Variants in TBC1D15 observed in about 807,000 individuals in gnomAD.
The protein encoded by TBC1D15 is GAP for RAB7.
In TBC1D15, 39 loss-of-function variants were observed where a neutral mutation model predicts 95.4. The observed-to-expected ratio is 0.41, with a 90% CI of 0.32 to 0.53. The LOEUF (loss-of-function observed/expected upper bound fraction) is 0.53, where lower values mean the gene tolerates loss of function less well. Among genes scored for constraint, TBC1D15 ranks in the 20% least tolerant of loss-of-function variants. The probability of loss-of-function intolerance (pLI) is 0.29; values close to 1 mark genes in which losing one functional copy is unlikely to be tolerated. For synonymous variants in TBC1D15, 258 were observed against 261.3 expected (o/e 0.99, Z 0.12); for missense variants, 733 against 794.3 (o/e 0.92, Z 0.93).
intron 1 of TBC1D15, among the ~76,000 whole-genome samples, chr12:71,869,700 T>G (rs1025827349): frequency 1.3e-5 from 2 of 152,158 alleles, no homozygotes; most frequent in Admixed American, 1.3e-4. Context: ...TTAATAAAAT[T>G]GTATTGCAGA....
At chr12:71,861,959 G>A (rs530212633) in intron 1 of TBC1D15, among the ~76,000 whole-genome samples, 9 of 151,878 alleles carry the variant, frequency 5.9e-5, no homozygotes, top group African/African-American at 1.5e-4. Context: ...ATTCAGAAAC[G>A]TTTAATTTTC....
intron 12 of TBC1D15, among the ~76,000 whole-genome samples, 163 bp downstream of exon 12, chr12:71,914,089 A>G (rs1292645860): frequency 6.6e-6 from 1 of 151,990 alleles, no homozygotes; most frequent in Non-Finnish European, 1.5e-5. Context: ...TCAAGGGCTT[A>G]GAAATACTGG....
intron 10 of TBC1D15, among the ~76,000 whole-genome samples, chr12:71,903,107 G>C (rs1183642218): frequency 6.6e-6 from 1 of 152,032 alleles, no homozygotes; most frequent in Non-Finnish European, 1.5e-5. Flanking sequence ...GAAGAGACAG[G>C]ATTTTACCAT....
chr12:71,900,590 T>G (rs570611381), intron 10 of TBC1D15, among the ~76,000 whole-genome samples: 1 of 152,256 alleles, frequency 6.6e-6, no homozygotes, highest in East Asian at 1.9e-4. Context: ...AATAAGTTAT[T>G]ACTTAGTGCC....
intron 1 of TBC1D15, among the ~76,000 whole-genome samples, chr12:71,858,708 C>T (rs1255635031): frequency 6.6e-6 from 1 of 151,830 alleles, no homozygotes; most frequent in African/African-American, 2.4e-5. Flanking sequence ...GCATGTGCCA[C>T]CATGCCTGGC....
chr12:71,877,560 C>T (rs1487482749), intron 3 of TBC1D15, among the ~76,000 whole-genome samples: 1 of 96,558 alleles, frequency 1.0e-5, no homozygotes, highest in African/African-American at 5.2e-5. Flanking sequence ...TCCTTCCTTC[C>T]TTTCTTCTTT....
rs1446682770 is a variant in TBC1D15, at chr12:71,896,737, G to A, written c.1045G>A (p.Asp349Asn). Residue 349 changes from aspartate (D) to asparagine (N), a missense_variant, in exon 9 of 17, where the codon GAC (aspartate) becomes AAC (asparagine). Transcript: ENST00000485960. The part of the protein sequence containing the change: ...WKFLLGYFPW[D>N]STKEERTQLQ... The stretch of plus-strand genomic sequence containing the variant: ...ATTTCTTCTGGGTTATTTTCCCTGG[G>A]ACAGTACCAAGGAGGAAAGAACCCA... The A allele has an allele frequency of 6.2e-7, 1 of 1,612,978 alleles. No homozygotes were observed. The highest frequency in any genetic ancestry group is 2.2e-5 in the East Asian group (1 of 44,772).
intron 10 of TBC1D15, among the ~76,000 whole-genome samples, chr12:71,903,494 C>T (rs144299523): frequency 2.6e-5 from 4 of 152,208 alleles, no homozygotes; most frequent in East Asian, 1.9e-4. Context: ...AACTACCATT[C>T]GACCCAGCAA....
Position 71,884,939 on chromosome 12 carries a change from GTCGT to G in TBC1D15, c.475_478del (p.Val159SerfsTer14). The G allele has an allele frequency of 6.2e-7, 1 of 1,614,052 alleles. No homozygotes were observed. Among genetic ancestry groups the G allele is most frequent in the Non-Finnish European group, 8.5e-7 (1 of 1,179,928 alleles). On this transcript the variant is annotated frameshift_variant, in exon 5 of 17. Coordinates refer to ENST00000485960, the MANE Select transcript of TBC1D15 (RefSeq NM_001146213.3). LOFTEE classifies it high-confidence loss of function. ...TTTGGTATTCTGTCTAAAGGATGAC[GTCGT>G]TCTCCCTGCTCTACACTTTCATCAA... is the stretch of plus-strand genomic sequence containing the variant.
chr12:71,849,926 A>G (rs1887342018), intron 1 of TBC1D15: 1 of 555,844 alleles, frequency 1.8e-6, no homozygotes, highest in Non-Finnish European at 3.5e-6. Flanking sequence ...GTGGCTGGAA[A>G]AGGCTAAGTT....
chr12:71,869,887 A>G (rs980183916), intron 1 of TBC1D15, among the ~76,000 whole-genome samples: 1 of 152,162 alleles, frequency 6.6e-6, no homozygotes, highest in East Asian at 1.9e-4. Flanking sequence ...ATATATGACT[A>G]TATTTTCGCT....
intron 11 of TBC1D15, among the ~76,000 whole-genome samples, chr12:71,908,400 AAAT>A (rs1200017448): frequency 1.3e-5 from 2 of 151,592 alleles, no homozygotes; most frequent in Non-Finnish European, 2.9e-5. Context: ...AGGATAGTGG[AAAT>A]AATGTTTTCT....
At position 71,880,948 on chromosome 12, in the gene TBC1D15, G is replaced by A. The variant is rs988199743; in HGVS notation, c.343+341G>A. Reference sequence around the variant, plus strand: ...ATTTTATCCTAAAGTAACAGAGGGAGATGGAGTATACCACTAAATCATACC... The same window carrying A: ...ATTTTATCCTAAAGTAACAGAGGGAAATGGAGTATACCACTAAATCATACC... On this transcript the variant is annotated intron_variant, in intron 4 of 16. Transcript: ENST00000485960. Among the ~76,000 whole-genome samples, 14 of 152,286 alleles carry A rather than the reference G, an allele frequency of 9.2e-5. 1 individual carries two copies. In the Middle Eastern group the frequency reaches 0.01, roughly 111 times the overall value.
intron 1 of TBC1D15, among the ~76,000 whole-genome samples, chr12:71,863,323 A>G (rs1052219346): frequency 6.6e-6 from 1 of 152,172 alleles, no homozygotes; most frequent in African/African-American, 2.4e-5. Context: ...GCTTGCAGTG[A>G]GCCAAGATTG....
chr12:71,902,575 A>G (rs1277305591), intron 10 of TBC1D15, among the ~76,000 whole-genome samples: 1 of 152,206 alleles, frequency 6.6e-6, no homozygotes, highest in African/African-American at 2.4e-5. Context: ...TACAAAAATC[A>G]GTCAAGATGG....
At chr12:71,909,437 A>G (rs1901626755) in intron 11 of TBC1D15, among the ~76,000 whole-genome samples, 1 of 152,150 alleles carries the variant, frequency 6.6e-6, no homozygotes, top group South Asian at 2.1e-4. Context: ...CAGACAAAAG[A>G]ATTTAAGGAA....
In TBC1D15 at chr12:71,907,153, G is replaced by A; in HGVS notation, c.1300+15G>A. 1 of 1,455,004 alleles carries A rather than the reference G, an allele frequency of 6.9e-7. No homozygotes were observed. Among genetic ancestry groups the A allele is most frequent in the African/African-American group, 1.4e-5 (1 of 70,938 alleles). The allele number at this position is 1,455,004 out of a possible 1,614,324, so 90.1% of individuals were successfully genotyped here. ...TTTTGATTTAGGTAAGTTCTCTAAA[G>A]TTCTAATTTTAAAAGATGTAAATAT... On this transcript the variant is annotated intron_variant, in intron 11 of 16. Transcript: ENST00000485960.
At chr12:71,896,383 C>A in intron 8 of TBC1D15, 1 of 430,592 alleles carries the variant, frequency 2.3e-6, no homozygotes, top group Non-Finnish European at 4.1e-6. Flanking sequence ...ATTCCAGTGG[C>A]ATTTGCCTTA....
At position 71,923,829 on chromosome 12, in the gene TBC1D15, A is replaced by G. The variant is rs1409095265; in HGVS notation, c.*625A>G. ...CTTCACTTGTATATAAAGATTATATATAAGTACTTATTTATGAGTATAAGA... is the reference window on the plus strand; with the variant it reads ...CTTCACTTGTATATAAAGATTATATGTAAGTACTTATTTATGAGTATAAGA... On this transcript the variant is annotated 3_prime_UTR_variant, in exon 17 of 17. Coordinates refer to ENST00000485960, the MANE Select transcript of TBC1D15 (RefSeq NM_001146213.3). The G allele has an allele frequency of 6.6e-6, 1 of 152,614 alleles. No homozygotes were observed. Among genetic ancestry groups the G allele is most frequent in the Non-Finnish European group, 1.5e-5 (1 of 68,018 alleles). The allele number at this position is 152,614 out of a possible 1,614,324, so 9.5% of individuals were successfully genotyped here.
Sources: gnomAD v4.1 joint callset for allele counts (sites outside exome capture counted in the v4.1 genomes callset) on GRCh38, gnomAD v4.1.1 for gene constraint, MANE v1.5 for transcripts, NCBI Gene and HGNC (gene_info 2026-07-23, HGNC 2026-07-21) for gene names.